ATP11C: variants seen among roughly 807,000 people sequenced by gnomAD.
ATP11C encodes the protein ATPase phospholipid transporting 11C (ATP11C blood group), also known as phospholipid-transporting ATPase IG.
In ATP11C, 36 loss-of-function variants were observed where a neutral mutation model predicts 97.4. That is an observed-to-expected ratio of 0.37 (90% CI 0.28 to 0.49). The LOEUF (loss-of-function observed/expected upper bound fraction) is 0.49, where lower values mean the gene tolerates loss of function less well. Among genes scored for constraint, ATP11C ranks in the 20% least tolerant of loss-of-function variants. The pLI, the probability that ATP11C is intolerant of heterozygous loss-of-function variation, is 0.98. For synonymous variants in ATP11C, 275 were observed against 290.9 expected (o/e 0.95, Z 0.56); for missense variants, 730 against 824.6 (o/e 0.89, Z 1.40).
intron 28 of ATP11C, 80 bp from the exon 29 acceptor site, chrX:139,731,835 A>G: frequency 1.7e-6 from 1 of 584,495 alleles, no homozygotes; most frequent in East Asian, 4.2e-5. Flanking sequence ...AAAAAAAGGT[A>G]AAAGAAAAAA....
chrX:139,924,082 A>G, intron 1 of ATP11C: 1 of 376,607 alleles, frequency 2.7e-6, no homozygotes, highest in Non-Finnish European at 5.4e-6. Flanking sequence ...TAGGACTATG[A>G]GCAAATGAAT....
Position 139,807,953 on chromosome X carries a change from T to TAAA in ATP11C, c.427-3357_427-3355dup, listed in dbSNP as rs60059544. On this transcript the variant is annotated intron_variant, in intron 5 of 29. Transcript: ENST00000682941. ...GGCAACAGAGTAAGACCCTGTCTCT[T>TAAA]AAAAAAAAAAAAAAAAAAAAGATAT... Among the ~76,000 whole-genome samples, 39 of 76,845 alleles carry TAAA rather than the reference T, an allele frequency of 5.1e-4. 1 individual carries two copies. Among genetic ancestry groups the TAAA allele is most frequent in the African/African-American group, 1.6e-3 (32 of 19,982 alleles). 66.7% of individuals were successfully genotyped at this position (76,845 alleles called of 115,157 possible).
At chrX:139,907,978 C>T (rs1852585067) in intron 1 of ATP11C, among the ~76,000 whole-genome samples, 1 of 111,001 alleles carries the variant, frequency 9.0e-6, no homozygotes, top group Non-Finnish European at 1.9e-5. Flanking sequence ...AGAACAGTGT[C>T]TGGCATGTGA....
intron 16 of ATP11C, among the ~76,000 whole-genome samples, chrX:139,783,831 C>T (rs2082514811): frequency 9.2e-6 from 1 of 108,662 alleles, no homozygotes; most frequent in Admixed American, 9.9e-5. Context: ...TATAATCTTG[C>T]CACTCCAGCC....
At chrX:139,750,173 GGAAA>G (rs760557489) in intron 23 of ATP11C, 21 bp from the exon 24 acceptor site, 5 of 1,144,048 alleles carry the variant, frequency 4.4e-6, no homozygotes, top group South Asian at 2.1e-5. Context: ...AAACAACAGA[GGAAA>G]GAAAGAAATT....
chrX:139,763,222 G>A (rs1188637401), intron 21 of ATP11C, 94 bp downstream of exon 21: 19 of 656,043 alleles, frequency 2.9e-5, no homozygotes, highest in Non-Finnish European at 4.2e-5. Flanking sequence ...TTCAAGATGA[G>A]TAACCAAAAC....
chrX:139,777,759 G>A (rs1441326839), intron 18 of ATP11C, among the ~76,000 whole-genome samples: 1 of 110,454 alleles, frequency 9.1e-6, no homozygotes, highest in African/African-American at 3.3e-5. Flanking sequence ...AAATCTTAAA[G>A]GCAGCTAGAT....
chrX:139,865,041 G>A lies in ATP11C; in HGVS notation c.28-38218C>T, dbSNP rs189340202. ...GCCTTAGAACATGAGTGCGCTTACTGTGTCTAATCAAAGTCAAAGCTCAAA... is the reference window on the plus strand; with the variant it reads ...GCCTTAGAACATGAGTGCGCTTACTATGTCTAATCAAAGTCAAAGCTCAAA... On this transcript the variant is annotated intron_variant, in intron 1 of 29. Coordinates refer to ENST00000682941, the MANE Select transcript of ATP11C (RefSeq NM_001353812.2). 4.5e-4 allele frequency among the ~76,000 whole-genome samples: 50 copies of A among 112,026 alleles called. No homozygotes were observed. In the East Asian group the frequency reaches 0.013, roughly 29 times the overall value.
intron 1 of ATP11C, among the ~76,000 whole-genome samples, chrX:139,868,443 C>T (rs974268481): frequency 4.6e-5 from 5 of 109,332 alleles, no homozygotes; most frequent in African/African-American, 1.3e-4. Context: ...TGGCCAGGCG[C>T]GGTGGCTCAA....
chrX:139,784,184 T>C (rs992092124), intron 16 of ATP11C, among the ~76,000 whole-genome samples: 7 of 112,175 alleles, frequency 6.2e-5, no homozygotes, highest in South Asian at 3.7e-4. Flanking sequence ...ATGACCTTTG[T>C]AGACCAGTTC....
chrX:139,877,854 T>TCTACCAAAAA (rs1212562817), intron 1 of ATP11C, among the ~76,000 whole-genome samples: 20 of 111,561 alleles, frequency 1.8e-4, no homozygotes, highest in Admixed American at 4.8e-4. Context: ...AAACCCCGTC[T>TCTACCAAAAA]CTACCAAAAA....
At chrX:139,931,926 G>A (rs1241308017) in intron 1 of ATP11C, 90 bp downstream of exon 1, 2 of 1,013,536 alleles carry the variant, frequency 2.0e-6, no homozygotes. Flanking sequence ...AGACGTAACT[G>A]CCCCCTCAGA....
chrX:139,929,509 T>C (rs1486660820), intron 1 of ATP11C, among the ~76,000 whole-genome samples: 1 of 111,724 alleles, frequency 9.0e-6, no homozygotes, highest in East Asian at 2.8e-4. Context: ...TCCTAAGGGA[T>C]TCTTCCACGT....
rs368381156 is a variant in ATP11C at position 139,918,552 on chromosome X, G to A, written c.27+13464C>T. On this transcript the variant is annotated intron_variant, in intron 1 of 29. Transcript: ENST00000682941. ...CAGGAGAATTGCTTGAACCCGGGGCGGGGGTGGGGGTGGGGACAGAGGTTG... is the reference window on the plus strand; with the variant it reads ...CAGGAGAATTGCTTGAACCCGGGGCAGGGGTGGGGGTGGGGACAGAGGTTG... 1.1e-3 allele frequency among the ~76,000 whole-genome samples: 115 copies of A among 102,545 alleles called. 1 individual carries two copies. The highest frequency in any genetic ancestry group is 2.5e-3 in the East Asian group (8 of 3,214). 89.0% of individuals were successfully genotyped at this position (102,545 alleles called of 115,157 possible).
upstream of ATP11C, among the ~76,000 whole-genome samples, chrX:139,936,360 T>C (rs1015525438): frequency 1.8e-5 from 2 of 111,317 alleles, no homozygotes; most frequent in Non-Finnish European, 3.8e-5. Flanking sequence ...TGTAGAAAGC[T>C]GTTGTCTGTG....
At chrX:139,791,599 G>A (rs927931427) in intron 12 of ATP11C, among the ~76,000 whole-genome samples, 9 of 111,754 alleles carry the variant, frequency 8.1e-5, no homozygotes, top group Non-Finnish European at 1.3e-4. Flanking sequence ...TCGGTCAGAG[G>A]TAGGACCAAA....
chrX:139,803,220 AG>A (rs1209548538), intron 6 of ATP11C, among the ~76,000 whole-genome samples: 1 of 112,807 alleles, frequency 8.9e-6, no homozygotes, highest in Non-Finnish European at 1.9e-5. Flanking sequence ...TTTCACTATC[AG>A]GAAATCTTTA....
chrX:139,773,483 C>T (rs996774577), intron 19 of ATP11C, among the ~76,000 whole-genome samples: 4 of 111,492 alleles, frequency 3.6e-5, no homozygotes, highest in African/African-American at 1.3e-4. Context: ...CCTCCAAAAC[C>T]GTGAAAAATA....
chrX:139,924,195 A>C lies in ATP11C; in HGVS notation c.27+7821T>G, dbSNP rs755056010. On this transcript the variant is annotated intron_variant, in intron 1 of 29. Coordinates refer to ENST00000682941, the MANE Select transcript of ATP11C (RefSeq NM_001353812.2). The stretch of plus-strand genomic sequence containing the variant: ...CAAGTGTTGACGCTAAACTGGCAGA[A>C]ACATCAATACTTCCTGGCTCCCCCA... 7.8e-6 allele frequency: 3 copies of C among 386,579 alleles called. No homozygotes were observed. The East Asian group carries it at 2.2e-4, about 29-fold the overall frequency. 31.9% of individuals were successfully genotyped at this position (386,579 alleles called of 1,213,427 possible).
Sources: gnomAD v4.1 joint callset for allele counts (sites outside exome capture counted in the v4.1 genomes callset) on GRCh38, gnomAD v4.1.1 for gene constraint, MANE v1.5 for transcripts, NCBI Gene and HGNC (gene_info 2026-07-23, HGNC 2026-07-21) for gene names.